The following PDS5A variants were observed in gnomAD, a reference collection of about 807,000 sequenced individuals.
The protein encoded by PDS5A is sister chromatid cohesion protein PDS5 homolog A.
PDS5A carries 42 observed loss-of-function variants against 167.1 expected under a neutral mutation model. The observed-to-expected ratio is 0.25, with a 90% CI of 0.20 to 0.33. PDS5A has a LOEUF of 0.33. PDS5A is among the 10% of genes least tolerant of loss of function. PDS5A has a pLI of 1.00. For missense variants in PDS5A, 1,033 were observed against 1,605.9 expected (o/e 0.64, Z 6.10); for synonymous variants, 553 against 554.6 (o/e 1.00, Z 0.04).
intron 16 of PDS5A, among the ~76,000 whole-genome samples, chr4:39,895,738 G>T (rs570365341): frequency 2.9e-4 from 44 of 152,224 alleles, no homozygotes; most frequent in Non-Finnish European, 5.7e-4. Context: ...TTGTTTTTGA[G>T]ACAGAGTCTC....
At chr4:39,877,929 A>G (rs759224010) in intron 18 of PDS5A, among the ~76,000 whole-genome samples, 1 of 152,218 alleles carries the variant, frequency 6.6e-6, no homozygotes, top group South Asian at 2.1e-4. Flanking sequence ...ATCACTCAAC[A>G]TAATTATCAA....
chr4:39,959,363 T>A lies in PDS5A; in HGVS notation c.138+17077A>T, dbSNP rs138203903. ...AAATGTTTAATCTAAATTTTTTTGT[T>A]GTTGTTGGAGATAGGTATCTCACTG... On this transcript the variant is annotated intron_variant, in intron 2 of 32. Coordinates refer to ENST00000303538, the MANE Select transcript of PDS5A (RefSeq NM_001100399.2). Among the ~76,000 whole-genome samples the A allele has an allele frequency of 4.5e-4, 69 of 152,298 alleles. 1 individual carries two copies. The highest frequency in any genetic ancestry group is 1.6e-3 in the African/African-American group (66 of 41,564).
intron 32 of PDS5A, among the ~76,000 whole-genome samples, chr4:39,831,066 G>GA (rs1715817651): frequency 6.6e-6 from 1 of 152,184 alleles, no homozygotes; most frequent in South Asian, 2.1e-4. Context: ...TAGTACTGGG[G>GA]AGAATGCAGT....
intron 26 of PDS5A, among the ~76,000 whole-genome samples, chr4:39,860,784 T>C (rs1718918790): frequency 6.6e-6 from 1 of 151,748 alleles, no homozygotes; most frequent in African/African-American, 2.4e-5. Context: ...ACTGAAAGAG[T>C]GAAGGCCAGG....
In PDS5A at chr4:39,832,349, G is replaced by A. The variant is rs552704390; in HGVS notation, c.4010+5507C>T. Reference sequence around the variant, plus strand: ...CTGCCTCAGCCTCCCGAGTAGCTGGGAGTACAGATGCCTGCCACCACGCCT... The same window carrying A: ...CTGCCTCAGCCTCCCGAGTAGCTGGAAGTACAGATGCCTGCCACCACGCCT... On this transcript the variant is annotated intron_variant, in intron 32 of 32. Transcript: ENST00000303538. Among the ~76,000 whole-genome samples the A allele has an allele frequency of 2.0e-5, 3 of 151,768 alleles. No homozygotes were observed. The East Asian group carries it at 5.9e-4, about 30-fold the overall frequency.
intron 2 of PDS5A, among the ~76,000 whole-genome samples, chr4:39,943,944 G>A (rs960526865): frequency 1.6e-4 from 24 of 152,112 alleles, no homozygotes; most frequent in Middle Eastern, 3.4e-3. Context: ...TCAGGAGGCC[G>A]AGGCAGGTGG....
chr4:39,888,451 T>G (rs1426350956), intron 17 of PDS5A, among the ~76,000 whole-genome samples: 1 of 151,982 alleles, frequency 6.6e-6, no homozygotes, highest in African/African-American at 2.4e-5. Context: ...TGGGTATATA[T>G]TTTTTAAAAA....
At chr4:39,857,929 A>T (rs895406984) in intron 26 of PDS5A, among the ~76,000 whole-genome samples, 20 of 152,254 alleles carry the variant, frequency 1.3e-4, no homozygotes, top group Admixed American at 1.3e-3. Flanking sequence ...CCGGCCTCCC[A>T]AAGTTGCTGA....
intron 28 of PDS5A, chr4:39,846,665 T>C (rs1021089145): frequency 2.0e-5 from 3 of 152,234 alleles, no homozygotes; most frequent in Admixed American, 6.5e-5. Context: ...CTTGATGCCT[T>C]TTCCTGCTTA....
chr4:39,903,582 T>C (rs1313866861), intron 12 of PDS5A, among the ~76,000 whole-genome samples: 1 of 152,218 alleles, frequency 6.6e-6, no homozygotes, highest in South Asian at 2.1e-4. Context: ...GGAAAGTAAC[T>C]AGCAGTTAAC....
chr4:39,936,186 C>T (rs531531576), intron 2 of PDS5A, among the ~76,000 whole-genome samples: 3 of 152,064 alleles, frequency 2.0e-5, no homozygotes, highest in African/African-American at 7.2e-5. Context: ...TGTTATTCCC[C>T]GACAGCAATT....
intron 4 of PDS5A, among the ~76,000 whole-genome samples, chr4:39,926,150 T>C (rs1034153101): frequency 1.3e-5 from 2 of 151,980 alleles, no homozygotes; most frequent in Non-Finnish European, 2.9e-5. Context: ...ACTCAATATT[T>C]TTAAGTTGGT....
intron 16 of PDS5A, among the ~76,000 whole-genome samples, chr4:39,890,619 A>T (rs574460400): frequency 6.6e-6 from 1 of 152,158 alleles, no homozygotes; most frequent in East Asian, 1.9e-4. Flanking sequence ...TGGTTGATAT[A>T]GCAACTTTTT....
At chr4:39,902,668 G>A (rs1722982090) in intron 12 of PDS5A, among the ~76,000 whole-genome samples, 1 of 151,842 alleles carries the variant, frequency 6.6e-6, no homozygotes. Context: ...GACTACAGGC[G>A]CGTGCCACCA....
At chr4:39,835,340 T>C (rs755422194) in intron 32 of PDS5A, among the ~76,000 whole-genome samples, 7 of 152,192 alleles carry the variant, frequency 4.6e-5, no homozygotes, top group Non-Finnish European at 1.0e-4. Context: ...GATCTACTAC[T>C]AGCATATTTA....
At chr4:39,907,940 A>T (rs1723540637) in intron 11 of PDS5A, among the ~76,000 whole-genome samples, 2 of 152,228 alleles carry the variant, frequency 1.3e-5, no homozygotes, top group Non-Finnish European at 2.9e-5. Context: ...ATAACTAAAC[A>T]TATAACCATC....
chr4:39,934,449 C>T (rs1321606697), intron 2 of PDS5A, among the ~76,000 whole-genome samples: 1 of 152,098 alleles, frequency 6.6e-6, no homozygotes, highest in East Asian at 1.9e-4. Flanking sequence ...TTTTTAAATG[C>T]TATTGGCTCT....
intron 32 of PDS5A, among the ~76,000 whole-genome samples, chr4:39,830,988 T>C (rs1215759063): frequency 6.6e-6 from 1 of 152,252 alleles, no homozygotes. Flanking sequence ...ATAATCCCAT[T>C]TATGTAAGGG....
In PDS5A at chr4:39,823,977, A is replaced by C. The variant is rs1004274324; in HGVS notation, c.*1508T>G. 3 of 152,204 alleles carry C rather than the reference A, an allele frequency of 2.0e-5. No homozygotes were observed. Among genetic ancestry groups the C allele is most frequent in the African/African-American group, 7.2e-5 (3 of 41,452 alleles). The allele number at this position is 152,204 out of a possible 1,614,324, so 9.4% of individuals were successfully genotyped here. A position where few individuals can be genotyped will look rare whatever the true frequency, so the allele number is the denominator to read the frequency against. ...ATCCCATGTACACTACAGCCTATCA[A>C]GACGAAGTTATAACACAAATGTTGT... On this transcript the variant is annotated 3_prime_UTR_variant, in exon 33 of 33. Coordinates refer to ENST00000303538, the MANE Select transcript of PDS5A (RefSeq NM_001100399.2).
Sources: gnomAD v4.1 joint callset for allele counts (sites outside exome capture counted in the v4.1 genomes callset) on GRCh38, gnomAD v4.1.1 for gene constraint, MANE v1.5 for transcripts, NCBI Gene and HGNC (gene_info 2026-07-23, HGNC 2026-07-21) for gene names.